ENPEP: variants seen among roughly 807,000 people sequenced by gnomAD.
ENPEP encodes the protein glutamyl aminopeptidase.
ENPEP carries 103 observed loss-of-function variants against 114.5 expected under a neutral mutation model. The ratio of observed to expected loss-of-function variants is 0.90; its 90% CI spans 0.77 to 1.06. The LOEUF (loss-of-function observed/expected upper bound fraction) is 1.06. Among genes scored for constraint, ENPEP ranks in the 50% least tolerant of loss-of-function variants. The pLI is 0.00. For missense variants in ENPEP, 1,196 were observed against 1,161.3 expected (o/e 1.03, Z -0.43); for synonymous variants, 420 against 422.0 (o/e 1.00, Z 0.06).
intron 11 of ENPEP, among the ~76,000 whole-genome samples, chr4:110,531,630 T>G (rs1726409892): frequency 6.6e-6 from 1 of 152,148 alleles, no homozygotes; most frequent in Non-Finnish European, 1.5e-5. Context: ...TTAACTGTTA[T>G]ATGACAAGCC....
intron 11 of ENPEP, among the ~76,000 whole-genome samples, chr4:110,542,533 A>G (rs563443396): frequency 6.6e-6 from 1 of 152,214 alleles, no homozygotes; most frequent in South Asian, 2.1e-4. Flanking sequence ...ATAATTATTT[A>G]TATTACTTAT....
chr4:110,502,797 C>A (rs887552815), intron 3 of ENPEP, among the ~76,000 whole-genome samples: 1 of 151,980 alleles, frequency 6.6e-6, no homozygotes, highest in Non-Finnish European at 1.5e-5. Flanking sequence ...TTTTCTAATT[C>A]TGTCAAAACT....
intron 3 of ENPEP, among the ~76,000 whole-genome samples, chr4:110,501,078 G>T (rs923660561): frequency 6.6e-6 from 1 of 152,128 alleles, no homozygotes; most frequent in Non-Finnish European, 1.5e-5. Flanking sequence ...GACAGAAAAT[G>T]TTGGCATGTT....
chr4:110,495,743 G>T (rs1296172576), intron 3 of ENPEP, among the ~76,000 whole-genome samples: 3 of 152,164 alleles, frequency 2.0e-5, no homozygotes, highest in African/African-American at 7.2e-5. Flanking sequence ...AAATAAATAA[G>T]TAAATAAATA....
chr4:110,561,504 A>T lies in ENPEP; in HGVS notation c.2820A>T (p.Lys940Asn). The change falls in exon 20 of 20, where the codon AAA becomes AAT. Residue 940 changes from lysine to asparagine, a missense_variant. Lys to Asn is a moderately conservative substitution (Grantham distance 94). Transcript: ENST00000265162. The stretch of plus-strand genomic sequence containing the variant: ...TGAAAAACAATATAGAGTGGCTAAA[A>T]CAACATAGAAACACCATCAGAGAAT... Reference protein sequence around the residue: ...ETVKNNIEWLKQHRNTIREWF... With the variant: ...ETVKNNIEWLNQHRNTIREWF... The T allele has an allele frequency of 6.2e-7, 1 of 1,614,036 alleles. No homozygotes were observed.
chr4:110,496,240 CTT>C (rs1297280894), intron 3 of ENPEP, among the ~76,000 whole-genome samples: 1 of 152,062 alleles, frequency 6.6e-6, no homozygotes, highest in East Asian at 1.9e-4. Context: ...AACAGCCTAT[CTT>C]TATAACAGTT....
intron 3 of ENPEP, among the ~76,000 whole-genome samples, chr4:110,495,358 C>T (rs1011798062): frequency 1.3e-5 from 2 of 152,124 alleles, no homozygotes; most frequent in African/African-American, 2.4e-5. Flanking sequence ...TACAGTTGAC[C>T]TACAGTAACT....
intron 3 of ENPEP, among the ~76,000 whole-genome samples, chr4:110,504,192 C>G (rs1448026112): frequency 6.6e-6 from 1 of 152,194 alleles, no homozygotes; most frequent in Non-Finnish European, 1.5e-5. Flanking sequence ...AGAGCCACTA[C>G]CAATTGGTGC....
chr4:110,512,494 T>C (rs1041593804), intron 6 of ENPEP: 2 of 152,216 alleles, frequency 1.3e-5, no homozygotes, highest in African/African-American at 4.8e-5. Context: ...CAGCAGTACC[T>C]TTCCTGTTAT....
intron 15 of ENPEP, 45 bp from the exon 16 acceptor site, chr4:110,549,483 G>A (rs1560570161): frequency 1.2e-6 from 2 of 1,612,478 alleles, no homozygotes; most frequent in Non-Finnish European, 1.7e-6. Context: ...AAGACTTGTT[G>A]AAAAGTGCTT....
intron 3 of ENPEP, among the ~76,000 whole-genome samples, chr4:110,500,375 T>C (rs573645018): frequency 1.3e-5 from 2 of 152,262 alleles, no homozygotes; most frequent in South Asian, 4.2e-4. Context: ...AAGCCCAAAG[T>C]TTTTCCACTG....
chr4:110,489,412 G>A lies in ENPEP; in HGVS notation c.786+730G>A, dbSNP rs527344706. On this transcript the variant is annotated intron_variant, in intron 2 of 19. Coordinates refer to ENST00000265162, the MANE Select transcript of ENPEP (RefSeq NM_001977.4). The stretch of plus-strand genomic sequence containing the variant: ...CATCAACACCAAGGCCTGTCAAGGG[G>A]TGGGGGGCTAGGGGAGCGACAGCAT... Among the ~76,000 whole-genome samples the A allele has an allele frequency of 1.4e-4, 21 of 152,202 alleles. No homozygotes were observed. In the East Asian group the frequency reaches 3.7e-3, roughly 27 times the overall value.
At chr4:110,513,294 G>A (rs952545920) in intron 6 of ENPEP, 121 bp from the exon 7 acceptor site, 6 of 1,130,074 alleles carry the variant, frequency 5.3e-6, no homozygotes, top group East Asian at 5.5e-5. Flanking sequence ...AAGACCTAAT[G>A]TTTAAGTAAC....
Position 110,476,362 on chromosome 4 carries a change from G to A in ENPEP, c.-53G>A. 1 of 1,496,562 alleles carries A rather than the reference G, an allele frequency of 6.7e-7. No homozygotes were observed. Among genetic ancestry groups the A allele is most frequent in the Admixed American group, 2.3e-5 (1 of 43,602 alleles). The allele number at this position is 1,496,562 out of a possible 1,614,324, so 92.7% of individuals were successfully genotyped here. ...TTAAAAAGGAAGTCTGCTGACGTTA[G>A]TTAGTTAAATTTAACATCTTTTTAT... is the stretch of plus-strand genomic sequence containing the variant. On this transcript the variant is annotated 5_prime_UTR_variant, in exon 1 of 20. Transcript: ENST00000265162.
intron 10 of ENPEP, among the ~76,000 whole-genome samples, chr4:110,526,387 G>C (rs1726198368): frequency 6.6e-6 from 1 of 152,140 alleles, no homozygotes; most frequent in East Asian, 1.9e-4. Context: ...CAAGTGGTTG[G>C]CACTATTTTA....
At chr4:110,548,540 A>G (rs1380381006) in intron 14 of ENPEP, among the ~76,000 whole-genome samples, 1 of 152,054 alleles carries the variant, frequency 6.6e-6, no homozygotes, top group African/African-American at 2.4e-5. Flanking sequence ...TTCTGCATAC[A>G]TACCACTTAG....
In ENPEP at chr4:110,563,055, G is replaced by A. The variant is rs950119890; in HGVS notation, c.*1497G>A. On this transcript the variant is annotated 3_prime_UTR_variant, in exon 20 of 20. Transcript: ENST00000265162. ...GTTGTGGGTGGCAGATATAGAAGAA[G>A]AAATTTCCAGACCAAAAAATATTAA... 2.0e-5 allele frequency: 3 copies of A among 152,048 alleles called. No homozygotes were observed. Among genetic ancestry groups the A allele is most frequent in the Admixed American group, 1.3e-4 (2 of 15,262 alleles). The allele number at this position is 152,048 out of a possible 1,614,324, so 9.4% of individuals were successfully genotyped here.
At position 110,476,472 on chromosome 4, in the gene ENPEP, G is replaced by A. The variant is rs139117778; in HGVS notation, c.58G>A (p.Ala20Thr). ...KRYCIQTKHV[A>T]ILCAVVVGVG... ...ATACTGCATTCAAACGAAACATGTG[G>A]CCATTCTCTGTGCGGTGGTGGTGGG... Residue 20 changes from alanine (A) to threonine (T), a missense_variant, in exon 1 of 20, where the codon GCC (alanine) becomes ACC (threonine). Ala to Thr is a moderately conservative substitution (Grantham distance 58). Coordinates refer to ENST00000265162, the MANE Select transcript of ENPEP (RefSeq NM_001977.4). 471 of 1,560,870 alleles carry A rather than the reference G, an allele frequency of 3.0e-4. 2 individuals carry two copies. The highest frequency in any genetic ancestry group is 2.6e-3 in the Middle Eastern group (15 of 5,782).
chr4:110,524,370 C>T (rs1270708623), intron 10 of ENPEP, among the ~76,000 whole-genome samples: 1 of 152,106 alleles, frequency 6.6e-6, no homozygotes, highest in South Asian at 2.1e-4. Flanking sequence ...ATTAAATTCT[C>T]CTGAGCATTT....
Sources: gnomAD v4.1 joint callset for allele counts (sites outside exome capture counted in the v4.1 genomes callset) on GRCh38, gnomAD v4.1.1 for gene constraint, MANE v1.5 for transcripts, NCBI Gene and HGNC (gene_info 2026-07-23, HGNC 2026-07-21) for gene names.